The following PTPRT variants were observed in gnomAD, a reference collection of about 807,000 sequenced individuals.
The protein encoded by PTPRT is receptor-type tyrosine-protein phosphatase T.
A neutral mutation model predicts 176.8 loss-of-function variants in PTPRT; 56 were observed. That is an observed-to-expected ratio of 0.32 (90% CI 0.26 to 0.40). PTPRT has a LOEUF of 0.40. PTPRT is among the 10% of genes least tolerant of loss of function. The probability of loss-of-function intolerance (pLI) is 1.00; values close to 1 mark genes in which losing one functional copy is unlikely to be tolerated. For synonymous variants in PTPRT, 783 were observed against 739.0 expected (o/e 1.06, Z -0.96); for missense variants, 1,540 against 1,908.2 (o/e 0.81, Z 3.60).
At chr20:42,529,110 C>G (rs115043251) in intron 7 of PTPRT, among the ~76,000 whole-genome samples, 2,968 of 152,282 alleles carry the variant, frequency 0.019, 84 homozygotes, top group African/African-American at 0.067. Context: ...TTTAAATTAA[C>G]GTGCTCAAGT....
chr20:42,229,242 C>A (rs2056084366), intron 15 of PTPRT, among the ~76,000 whole-genome samples: 1 of 152,184 alleles, frequency 6.6e-6, no homozygotes, highest in Non-Finnish European at 1.5e-5. Flanking sequence ...CTGAGCAGAT[C>A]TGGGGGGTGA....
At chr20:43,125,131 G>A (rs2013393428) in intron 1 of PTPRT, among the ~76,000 whole-genome samples, 1 of 150,966 alleles carries the variant, frequency 6.6e-6, no homozygotes, top group Non-Finnish European at 1.5e-5. Flanking sequence ...AAGTAGCTGG[G>A]ATTACAGGCA....
intron 9 of PTPRT, among the ~76,000 whole-genome samples, chr20:42,382,326 G>A (rs777492133): frequency 5.2e-4 from 79 of 152,310 alleles, no homozygotes; most frequent in Non-Finnish European, 9.3e-4. Flanking sequence ...TTTTCCTACT[G>A]AGGGAAATGG....
chr20:42,376,259 A>G (rs1251960832), intron 9 of PTPRT, among the ~76,000 whole-genome samples: 3 of 152,178 alleles, frequency 2.0e-5, no homozygotes, highest in African/African-American at 7.2e-5. Flanking sequence ...GATTCAGTAC[A>G]AAACTGTCTC....
At chr20:42,061,417 G>C in the PTPRT span, among the ~76,000 whole-genome samples, 1 of 152,304 alleles carries the variant, frequency 6.6e-6, no homozygotes, top group African/African-American at 2.4e-5. Context: ...AGCTCTGCCA[G>C]TGTATATAAG....
chr20:42,725,290 A>G (rs944688903), intron 6 of PTPRT, among the ~76,000 whole-genome samples: 6 of 151,270 alleles, frequency 4.0e-5, no homozygotes, highest in African/African-American at 1.2e-4. Context: ...AAAAAGAAAG[A>G]AAAAAAAACC....
At chr20:43,038,344 C>A (rs925212573) in intron 1 of PTPRT, among the ~76,000 whole-genome samples, 1 of 152,064 alleles carries the variant, frequency 6.6e-6, no homozygotes, top group Non-Finnish European at 1.5e-5. Context: ...TTAATTACAA[C>A]AATGGTTTAA....
chr20:43,100,296 G>A (rs1026271251), intron 1 of PTPRT, among the ~76,000 whole-genome samples: 9 of 152,118 alleles, frequency 5.9e-5, no homozygotes, highest in Non-Finnish European at 1.5e-5. Context: ...AGAATTACTT[G>A]AACCCAAGAG....
At chr20:42,620,746 C>G (rs1373492253) in intron 7 of PTPRT, among the ~76,000 whole-genome samples, 1 of 152,220 alleles carries the variant, frequency 6.6e-6, no homozygotes, top group Non-Finnish European at 1.5e-5. Context: ...CGAAAGGGAA[C>G]TCCCTGACCC....
intron 9 of PTPRT, among the ~76,000 whole-genome samples, chr20:42,420,221 T>C (rs1212430300): frequency 2.0e-5 from 3 of 152,106 alleles, no homozygotes; most frequent in Non-Finnish European, 4.4e-5. Flanking sequence ...ACAATTTCAA[T>C]GAGAAAAAGT....
At chr20:42,333,974 C>T (rs1293789275) in intron 11 of PTPRT, among the ~76,000 whole-genome samples, 1 of 152,204 alleles carries the variant, frequency 6.6e-6, no homozygotes, top group Non-Finnish European at 1.5e-5. Flanking sequence ...AGCCACCATG[C>T]CCGGCTTGAA....
At chr20:42,667,714 T>A (rs1288312259) in intron 7 of PTPRT, among the ~76,000 whole-genome samples, 1 of 152,184 alleles carries the variant, frequency 6.6e-6, no homozygotes, top group Non-Finnish European at 1.5e-5. Flanking sequence ...CGGAGTTCAA[T>A]TAACAAGAGC....
At chr20:42,919,644 C>T (rs564295412) in intron 1 of PTPRT, among the ~76,000 whole-genome samples, 1 of 152,276 alleles carries the variant, frequency 6.6e-6, no homozygotes, top group Non-Finnish European at 1.5e-5. Context: ...CTCATTGTAT[C>T]CCCACTACCA....
intron 7 of PTPRT, among the ~76,000 whole-genome samples, chr20:42,581,363 T>C (rs758623482): frequency 2.6e-5 from 4 of 152,208 alleles, no homozygotes; most frequent in African/African-American, 4.8e-5. Context: ...TCATTTATTA[T>C]GCTAATTGGT....
the PTPRT span, among the ~76,000 whole-genome samples, chr20:42,047,455 C>T: frequency 6.6e-6 from 1 of 152,192 alleles, no homozygotes; most frequent in African/African-American, 2.4e-5. Context: ...ATTCTGGTCC[C>T]ATAGCCAGTT....
intron 7 of PTPRT, among the ~76,000 whole-genome samples, chr20:42,615,164 C>T (rs945446560): frequency 8.0e-6 from 1 of 125,450 alleles, no homozygotes; most frequent in East Asian, 2.2e-4. Context: ...TCAATTCCCA[C>T]CTATGAGTGA....
chr20:42,774,144 C>CT (rs2077101061), intron 4 of PTPRT, among the ~76,000 whole-genome samples: 1 of 152,182 alleles, frequency 6.6e-6, no homozygotes, highest in Admixed American at 6.5e-5. Context: ...TGAACGCATG[C>CT]ACCTACAAGA....
At chr20:42,816,491 G>T (rs984743493) in intron 2 of PTPRT, among the ~76,000 whole-genome samples, 1 of 152,158 alleles carries the variant, frequency 6.6e-6, no homozygotes, top group Non-Finnish European at 1.5e-5. Context: ...ATCTTGAATT[G>T]CAATCCCTAC....
chr20:42,395,980 T>C (rs1257565779), intron 9 of PTPRT, among the ~76,000 whole-genome samples: 3 of 152,086 alleles, frequency 2.0e-5, no homozygotes. Flanking sequence ...TCTGCAAAGC[T>C]CGTGCATAGG....
Sources: gnomAD v4.1 joint callset for allele counts (sites outside exome capture counted in the v4.1 genomes callset) on GRCh38, gnomAD v4.1.1 for gene constraint, MANE v1.5 for transcripts, NCBI Gene and HGNC (gene_info 2026-07-23, HGNC 2026-07-21) for gene names.